Variants in MAP3K15 observed in about 807,000 individuals in gnomAD.
The protein encoded by MAP3K15 is MAPK/ERK kinase kinase 15.
MAP3K15 carries 124 observed loss-of-function variants against 99.5 expected under a neutral mutation model. The observed-to-expected ratio is 1.25, with a 90% CI of 1.08 to 1.45. MAP3K15 has a LOEUF of 1.45. Ranked by LOEUF, MAP3K15 falls within the 40% of genes most tolerant of loss-of-function variation. MAP3K15 has a pLI of 0.00. For missense variants in MAP3K15, 1,242 were observed against 1,079.7 expected, an observed-to-expected ratio of 1.15 and a Z score of -2.11; for synonymous variants, 494 against 439.6, an observed-to-expected ratio of 1.12 and a Z score of -1.55.
chrX:19,458,495 A>G (rs2064110335), intron 5 of MAP3K15, among the ~76,000 whole-genome samples: 2 of 111,390 alleles, frequency 1.8e-5, no homozygotes, highest in South Asian at 3.8e-4. Flanking sequence ...CCTGCCCAAC[A>G]TGGTGAAACC....
At chrX:19,492,260 G>A (rs1456914803) in intron 1 of MAP3K15, among the ~76,000 whole-genome samples, 1 of 110,162 alleles carries the variant, frequency 9.1e-6, no homozygotes, top group African/African-American at 3.3e-5. Flanking sequence ...ACTACCATCC[G>A]CAACATCCAC....
At chrX:19,398,099 A>G (rs1445564112) in intron 15 of MAP3K15, 127 bp downstream of exon 15, 1 of 814,859 alleles carries the variant, frequency 1.2e-6, no homozygotes, top group Non-Finnish European at 1.7e-6. Flanking sequence ...CCCCTATTAC[A>G]AGAGAATGAC....
chrX:19,484,767 G>A (rs1041686741), intron 3 of MAP3K15, among the ~76,000 whole-genome samples: 1 of 112,180 alleles, frequency 8.9e-6, no homozygotes, highest in Non-Finnish European at 1.9e-5. Context: ...TTAAATCCAG[G>A]TTACATCTTT....
intron 25 of MAP3K15, among the ~76,000 whole-genome samples, chrX:19,363,652 TTTTG>T (rs1200345332): frequency 1.6e-4 from 15 of 94,053 alleles, no homozygotes; most frequent in African/African-American, 8.4e-4. Context: ...CTTATTTTGT[TTTTG>T]TTTTTTTTTT....
chrX:19,386,883 G>A (rs1405524371), intron 18 of MAP3K15, among the ~76,000 whole-genome samples: 1 of 111,094 alleles, frequency 9.0e-6, no homozygotes, highest in Non-Finnish European at 1.9e-5. Flanking sequence ...CCAAGTTACA[G>A]GATTTGGGGC....
chrX:19,501,357 C>T (rs1442751593), intron 1 of MAP3K15, among the ~76,000 whole-genome samples: 2 of 112,075 alleles, frequency 1.8e-5, no homozygotes, highest in Non-Finnish European at 3.8e-5. Context: ...ACCGGTATTC[C>T]ATTCCCAGCA....
At chrX:19,422,645 T>A (rs760191128) in intron 9 of MAP3K15, among the ~76,000 whole-genome samples, 7 of 111,684 alleles carry the variant, frequency 6.3e-5, no homozygotes, top group Non-Finnish European at 1.3e-4. Context: ...CTAGAACTAG[T>A]AATACCATTT....
chrX:19,487,974 C>G (rs189306568), intron 2 of MAP3K15, among the ~76,000 whole-genome samples: 110 of 111,030 alleles, frequency 9.9e-4, no homozygotes, highest in African/African-American at 3.4e-3. Context: ...CCCCCATCCC[C>G]GAGACTGTGA....
At chrX:19,438,940 G>C (rs1410140338) in intron 6 of MAP3K15, among the ~76,000 whole-genome samples, 1 of 112,314 alleles carries the variant, frequency 8.9e-6, no homozygotes, top group East Asian at 2.8e-4. Context: ...GCTCATGCCT[G>C]TAATCCCAGC....
intron 4 of MAP3K15, among the ~76,000 whole-genome samples, chrX:19,463,769 T>C (rs1405250408): frequency 9.0e-6 from 1 of 111,410 alleles, no homozygotes; most frequent in Non-Finnish European, 1.9e-5. Context: ...GCACGAAGGC[T>C]TTTAAAGCAC....
At position 19,370,957 on chromosome X, in the gene MAP3K15, A is replaced by G; in HGVS notation, c.3400+2T>C. ...GACCTTGACCACAAAGGGGGCGCTCACCTGGGATGAGAATGGTGACCGCGG... is the reference window on the plus strand; with the variant it reads ...GACCTTGACCACAAAGGGGGCGCTCGCCTGGGATGAGAATGGTGACCGCGG... On this transcript the variant is annotated splice_donor_variant, in intron 24 of 28. Coordinates refer to ENST00000338883, the MANE Select transcript of MAP3K15 (RefSeq NM_001001671.4). LOFTEE classifies it high-confidence loss of function. The G allele has an allele frequency of 2.5e-6, 3 of 1,185,693 alleles. No homozygotes were observed. Among genetic ancestry groups the G allele is most frequent in the Non-Finnish European group, 3.4e-6 (3 of 881,220 alleles).
At chrX:19,473,686 C>A (rs775264844) in intron 3 of MAP3K15, among the ~76,000 whole-genome samples, 6 of 111,669 alleles carry the variant, frequency 5.4e-5, no homozygotes, top group Non-Finnish European at 9.4e-5. Flanking sequence ...TCTCTGACAG[C>A]GTGGGGATAG....
In MAP3K15 at chrX:19,431,498, T is replaced by C. The variant is rs768277466; in HGVS notation, c.1106A>G (p.Lys369Arg). ...DMFCLCGRIYKDIFLDSDCKD... is the reference protein window; with the variant it reads ...DMFCLCGRIYRDIFLDSDCKD... The stretch of plus-strand genomic sequence containing the variant: ...GCAGTCTGAATCCAAGAAGATGTCC[T>C]TGTAGATCCTCCCACACAGGCAGAA... The change falls in exon 7 of 29, where the codon AAG becomes AGG. Residue 369 changes from lysine (K) to arginine (R), a missense_variant. Lys to Arg is a conservative substitution (Grantham distance 26). Coordinates refer to ENST00000338883, the MANE Select transcript of MAP3K15 (RefSeq NM_001001671.4). The C allele has an allele frequency of 8.3e-7, 1 of 1,200,250 alleles. No individual in the cohort carries two copies. Among genetic ancestry groups the C allele is most frequent in the South Asian group, 1.8e-5 (1 of 56,949 alleles).
intron 1 of MAP3K15, among the ~76,000 whole-genome samples, chrX:19,512,382 G>C (rs1264903552): frequency 8.9e-6 from 1 of 111,899 alleles, no homozygotes; most frequent in Non-Finnish European, 1.9e-5. Flanking sequence ...CCTTTTTCCA[G>C]AACAGCATTG....
At chrX:19,440,115 G>A (rs191294346) in intron 6 of MAP3K15, among the ~76,000 whole-genome samples, 1 of 111,468 alleles carries the variant, frequency 9.0e-6, no homozygotes, top group Non-Finnish European at 1.9e-5. Context: ...GCTGGCTCAC[G>A]ATTGTTCCAG....
chrX:19,410,934 G>A (rs767535266), intron 11 of MAP3K15, among the ~76,000 whole-genome samples: 17 of 111,502 alleles, frequency 1.5e-4, no homozygotes, highest in African/African-American at 4.6e-4. Flanking sequence ...TAATCCCAGC[G>A]CTCTGGGAGG....
At chrX:19,465,952 T>G (rs772931125) in intron 3 of MAP3K15, among the ~76,000 whole-genome samples, 52 of 108,944 alleles carry the variant, frequency 4.8e-4, no homozygotes, top group Non-Finnish European at 7.6e-4. Context: ...CTGTTCCCTG[T>G]GGCACTTTTT....
chrX:19,460,289 C>T (rs1367493897), intron 4 of MAP3K15, 136 bp from the exon 5 acceptor site: 3 of 355,467 alleles, frequency 8.4e-6, no homozygotes, highest in Non-Finnish European at 1.4e-5. Flanking sequence ...CCTCCCTGCA[C>T]CAGCAAACAG....
chrX:19,472,214 A>T lies in MAP3K15; in HGVS notation c.526-7808T>A, dbSNP rs761630915. Among the ~76,000 whole-genome samples, 23 of 99,788 alleles carry T rather than the reference A, an allele frequency of 2.3e-4. No individual in the cohort carries two copies. The South Asian group carries it at 0.01, about 44-fold the overall frequency. 86.7% of individuals were successfully genotyped at this position (99,788 alleles called of 115,157 possible). ...ACTCCAGCCTGGGCCATAGAGCGAG[A>T]CTCTGTCTCAAAAATAATAATAATA... On this transcript the variant is annotated intron_variant, in intron 3 of 28. Coordinates refer to ENST00000338883, the MANE Select transcript of MAP3K15 (RefSeq NM_001001671.4).
Sources: allele counts gnomAD v4.1 joint callset (sites outside exome capture counted in the v4.1 genomes callset), GRCh38; gene constraint gnomAD v4.1.1; transcripts MANE v1.5; gene names NCBI Gene and HGNC (gene_info 2026-07-23, HGNC 2026-07-21).